EHD4: variants seen among roughly 807,000 people sequenced by gnomAD.
EHD4 encodes the protein EH domain containing 4.
In EHD4, 37 loss-of-function variants were observed where a neutral mutation model predicts 51.0. The ratio of observed to expected loss-of-function variants is 0.73; its 90% confidence interval spans 0.56 to 0.95. The LOEUF is 0.95. EHD4 is among the 40% of genes least tolerant of loss of function. The pLI, the probability that EHD4 is intolerant of heterozygous loss-of-function variation, is 0.00. For synonymous variants in EHD4, 297 were observed against 317.3 expected (o/e 0.94, Z 0.68); for missense variants, 632 against 733.1 (o/e 0.86, Z 1.59).
In EHD4 at chr15:41,901,057, G is replaced by T. The variant is rs539454245; in HGVS notation, c.1214C>A (p.Thr405Lys). 1 of 1,612,782 alleles carries T rather than the reference G, an allele frequency of 6.2e-7. No individual in the cohort carries two copies. The highest frequency in any genetic ancestry group is 8.5e-7 in the Non-Finnish European group (1 of 1,179,412). Residue 405 changes from threonine (T) to lysine (K), a missense_variant, in exon 6 of 6, where the codon ACG becomes AAG. By Grantham distance (78) the Thr-to-Lys change is moderately conservative. Transcript: ENST00000220325. ...PLMNLISQEETSTPTQLVQGG... is the reference protein window; with the variant it reads ...PLMNLISQEEKSTPTQLVQGG... Reference sequence around the variant, plus strand: ...CTGCACCAGCTGCGTGGGCGTGCTCGTCTCCTCCTGGCTGATGAGGTTCAT... The same window carrying T: ...CTGCACCAGCTGCGTGGGCGTGCTCTTCTCCTCCTGGCTGATGAGGTTCAT...
At chr15:41,906,729 C>T (rs377386561) in intron 5 of EHD4, among the ~76,000 whole-genome samples, 4 of 152,328 alleles carry the variant, frequency 2.6e-5, no homozygotes, top group South Asian at 2.1e-4. Context: ...TTTGGGGTTG[C>T]GGGCATCCCT....
At chr15:41,937,568 G>A (rs1180431140) in intron 3 of EHD4, among the ~76,000 whole-genome samples, 4 of 152,108 alleles carry the variant, frequency 2.6e-5, no homozygotes, top group Non-Finnish European at 5.9e-5. Context: ...GGTCTTTTAG[G>A]AAAAAAGACT....
At chr15:41,902,769 GT>G (rs2067485627) in intron 5 of EHD4, among the ~76,000 whole-genome samples, 1 of 149,298 alleles carries the variant, frequency 6.7e-6, no homozygotes, top group African/African-American at 2.5e-5. Context: ...ATACATATAT[GT>G]ATGTGTGTAT....
chr15:41,968,435 T>G (rs867045384), intron 1 of EHD4, among the ~76,000 whole-genome samples: 2 of 151,526 alleles, frequency 1.3e-5, no homozygotes, highest in South Asian at 4.1e-4. Context: ...TTCACTCCCT[T>G]TTCCCTCATC....
chr15:41,926,911 A>C (rs1595535961), intron 3 of EHD4, among the ~76,000 whole-genome samples: 1 of 152,174 alleles, frequency 6.6e-6, no homozygotes, highest in Non-Finnish European at 1.5e-5. Flanking sequence ...ACTTTCCTCC[A>C]GGTGGCCTTC....
At chr15:41,951,858 C>T (rs899777232) in intron 2 of EHD4, among the ~76,000 whole-genome samples, 10 of 152,244 alleles carry the variant, frequency 6.6e-5, no homozygotes, top group African/African-American at 2.4e-4. Flanking sequence ...CAAGTCAGCT[C>T]TGGAGTTGAA....
intron 3 of EHD4, among the ~76,000 whole-genome samples, chr15:41,923,656 G>A (rs2067642289): frequency 6.6e-6 from 1 of 152,218 alleles, no homozygotes; most frequent in Non-Finnish European, 1.5e-5. Context: ...TCACTGTCTA[G>A]ACTGAATACC....
intron 5 of EHD4, among the ~76,000 whole-genome samples, chr15:41,906,045 G>A (rs1321077410): frequency 6.6e-6 from 1 of 152,192 alleles, no homozygotes; most frequent in Admixed American, 6.5e-5. Flanking sequence ...GCAGAAAAAT[G>A]CTGAGGCAGA....
At chr15:41,939,792 C>CAAAAAAA (rs537857115) in intron 3 of EHD4, among the ~76,000 whole-genome samples, 1 of 80,242 alleles carries the variant, frequency 1.2e-5, no homozygotes, top group Non-Finnish European at 2.4e-5. Context: ...GACTCCGTCT[C>CAAAAAAA]AAAAAAAAAA....
chr15:41,971,873 T>G (rs1316077068), intron 1 of EHD4, among the ~76,000 whole-genome samples: 1 of 152,250 alleles, frequency 6.6e-6, no homozygotes, highest in Non-Finnish European at 1.5e-5. Flanking sequence ...CAACTAGGAC[T>G]CTGTCCCATT....
At chr15:41,934,178 G>T (rs2067717217) in intron 3 of EHD4, among the ~76,000 whole-genome samples, 1 of 152,102 alleles carries the variant, frequency 6.6e-6, no homozygotes, top group South Asian at 2.1e-4. Flanking sequence ...GGGGATGGCA[G>T]GGTATGTAGG....
At chr15:41,969,536 A>G (rs1360371767) in intron 1 of EHD4, among the ~76,000 whole-genome samples, 2 of 146,720 alleles carry the variant, frequency 1.4e-5, no homozygotes, top group Admixed American at 1.3e-4. Context: ...ACAACAGCGA[A>G]ACTGTCTCAA....
chr15:41,908,903 C>T (rs1025256553), intron 5 of EHD4, among the ~76,000 whole-genome samples: 1 of 152,222 alleles, frequency 6.6e-6, no homozygotes, highest in Non-Finnish European at 1.5e-5. Context: ...TGGCTGCAGG[C>T]ATCTGAGTTT....
chr15:41,971,620 T>TGGAA (rs1163993815), intron 1 of EHD4, among the ~76,000 whole-genome samples: 2 of 152,120 alleles, frequency 1.3e-5, no homozygotes, highest in African/African-American at 4.8e-5. Context: ...AACTAACAAA[T>TGGAA]AGTAATATGA....
At chr15:41,960,319 C>G (rs1005008421) in intron 1 of EHD4, among the ~76,000 whole-genome samples, 2 of 152,178 alleles carry the variant, frequency 1.3e-5, no homozygotes, top group Non-Finnish European at 2.9e-5. Flanking sequence ...TGGGTAATGA[C>G]TACTTTTAAC....
chr15:41,905,936 T>C (rs1595529562), intron 5 of EHD4, among the ~76,000 whole-genome samples: 3 of 152,276 alleles, frequency 2.0e-5, no homozygotes, highest in African/African-American at 7.2e-5. Context: ...ACTCCCAAAG[T>C]GCTGGGATTA....
Position 41,920,413 on chromosome 15 carries a change from G to A in EHD4, c.512-791C>T, listed in dbSNP as rs139142986. On this transcript the variant is annotated intron_variant, in intron 3 of 5. Coordinates refer to ENST00000220325, the MANE Select transcript of EHD4 (RefSeq NM_139265.4). ...TTTCCCCAGGGAGGCAGATTCCCAC[G>A]AAAAGCAAACAAGAGGAGGCCAAGC... 9.6e-3 allele frequency among the ~76,000 whole-genome samples: 1,468 copies of A among 152,228 alleles called. 16 individuals are homozygous for A. The highest frequency in any genetic ancestry group is 0.024 in the South Asian group (114 of 4,820).
rs1595546289 is a variant in EHD4 at position 41,961,283 on chromosome 15, G to GT, written c.237-7344dup. On this transcript the variant is annotated intron_variant, in intron 1 of 5. Transcript: ENST00000220325. ...GTTGCTCCACTCCACCTTCCATGCT[G>GT]TTTTGGGAGGAGGGTGAAAGAAAGG... 2.0e-5 allele frequency among the ~76,000 whole-genome samples: 3 copies of GT among 152,220 alleles called. No homozygotes were observed. The East Asian group carries it at 5.8e-4, about 29-fold the overall frequency.
chr15:41,905,982 A>AT (rs745800627), intron 5 of EHD4, among the ~76,000 whole-genome samples: 164 of 152,312 alleles, frequency 1.1e-3, no homozygotes, highest in Non-Finnish European at 1.9e-3. Context: ...TCATTTGTTC[A>AT]TTTTTTTGTG....
Sources: allele counts gnomAD v4.1 joint callset (sites outside exome capture counted in the v4.1 genomes callset), GRCh38; gene constraint gnomAD v4.1.1; transcripts MANE v1.5; gene names NCBI Gene and HGNC (gene_info 2026-07-23, HGNC 2026-07-21).